PWWP4: variants seen among roughly 807,000 people sequenced by gnomAD.
PWWP4 encodes the protein putative PWWP domain-containing DNA repair factor 4.
At chrX:153,266,271 G>T in the PWWP4 span, among the ~76,000 whole-genome samples, 6 of 99,929 alleles carry the variant, frequency 6.0e-5, no homozygotes, top group Non-Finnish European at 9.9e-5. Context: ...GGGGCGGGGG[G>T]GAGGTGAGGG....
rs1218730053 is a variant in PWWP4, at chrX:153,276,629, G to T, written c.5012G>T (p.Gly1671Val). The stretch of plus-strand genomic sequence containing the variant: ...GGAAACATTCAGGACCCCGGAGAGG[G>T]TGCCTGGAAGCCAGGCTGGGCAGGT... The change falls in exon 1 of 1, where the codon GGT becomes GTT. Residue 1671 changes from glycine (G) to valine (V), a missense_variant. Transcript: ENST00000458091. 5.7e-4 allele frequency among the ~76,000 whole-genome samples: 31 copies of T among 54,459 alleles called. 1 individual carries two copies. In the South Asian group the frequency reaches 0.014, roughly 25 times the overall value. The allele number at this position is 54,459 out of a possible 115,157, so 47.3% of individuals were successfully genotyped here. A position where few individuals can be genotyped will look rare whatever the true frequency, so the allele number is the denominator to read the frequency against.
chrX:153,271,486 A>G (rs1287605980), upstream of PWWP4, among the ~76,000 whole-genome samples: 1 of 108,320 alleles, frequency 9.2e-6, no homozygotes, highest in East Asian at 3.6e-4. Flanking sequence ...GCCCACCCAC[A>G]CTGCACCCCC....
upstream of PWWP4, among the ~76,000 whole-genome samples, chrX:153,270,285 A>G (rs1448946179): frequency 2.9e-5 from 3 of 103,638 alleles, no homozygotes; most frequent in African/African-American, 1.1e-4. Flanking sequence ...TCTTAGGGGG[A>G]TGCTCTCGGG....
chrX:153,272,857 C>T (rs2051812874), exon 1 of PWWP4, among the ~76,000 whole-genome samples: 1 of 114,404 alleles, frequency 8.7e-6, no homozygotes, highest in South Asian at 3.4e-4. Context: ...GGCCATTGCC[C>T]CTACTCCAGG....
At chrX:153,273,323 G>C (rs1298281270) in exon 1 of PWWP4, among the ~76,000 whole-genome samples, 4 of 99,080 alleles carry the variant, frequency 4.0e-5, no homozygotes, top group Admixed American at 1.2e-4. Context: ...GAAAAGTCAC[G>C]GGCGCACACC....
At chrX:153,271,448 C>T (rs1322977098), upstream of PWWP4, among the ~76,000 whole-genome samples, 2 of 108,918 alleles carry the variant, frequency 1.8e-5, no homozygotes, top group African/African-American at 6.9e-5. Flanking sequence ...GTTCAAGTGC[C>T]TCAGGGAGAT....
upstream of PWWP4, among the ~76,000 whole-genome samples, chrX:153,266,822 G>A (rs1210758573): frequency 1.5e-5 from 1 of 67,725 alleles, no homozygotes; most frequent in South Asian, 8.4e-4. Context: ...GGGTAGGACT[G>A]GAAGGCCTCC....
chrX:153,266,463 G>T, the PWWP4 span, among the ~76,000 whole-genome samples: 1 of 99,261 alleles, frequency 1.0e-5, no homozygotes, highest in Non-Finnish European at 2.0e-5. Context: ...GTGCGTGTTT[G>T]TATGTGAGGA....
chrX:153,270,497 G>A (rs1198333202), upstream of PWWP4, among the ~76,000 whole-genome samples: 87 of 63,005 alleles, frequency 1.4e-3, 3 homozygotes, highest in African/African-American at 5.6e-3. Context: ...CACTTGATTG[G>A]CTTAATTTCC....
chrX:153,272,663 G>C (rs2124166454), exon 1 of PWWP4, among the ~76,000 whole-genome samples: 1 of 112,018 alleles, frequency 8.9e-6, no homozygotes, highest in Admixed American at 9.3e-5. Context: ...GCCCTGCGAG[G>C]TTACAAGTCA....
upstream of PWWP4, among the ~76,000 whole-genome samples, chrX:153,269,973 G>A (rs1450779909): frequency 1.9e-4 from 21 of 110,931 alleles, no homozygotes; most frequent in African/African-American, 5.9e-4. Flanking sequence ...GCACATTGGC[G>A]CATCGGCAAT....
At chrX:153,275,596 G>C (rs1324347957) in exon 1 of PWWP4, among the ~76,000 whole-genome samples, 1 of 101,665 alleles carries the variant, frequency 9.8e-6, no homozygotes, top group Non-Finnish European at 1.9e-5. Flanking sequence ...TGACCTGGGC[G>C]GTGGCAGCTC....
At chrX:153,272,799 T>C (rs2051812527) in exon 1 of PWWP4, among the ~76,000 whole-genome samples, 1 of 113,888 alleles carries the variant, frequency 8.8e-6, no homozygotes, top group Non-Finnish European at 1.9e-5. Flanking sequence ...GCAGCGCCAT[T>C]GCTTCTACTC....
chrX:153,271,472 C>T (rs1244644501), upstream of PWWP4, among the ~76,000 whole-genome samples: 1 of 108,589 alleles, frequency 9.2e-6, no homozygotes, highest in Non-Finnish European at 1.9e-5. Flanking sequence ...GGAGGAGGAA[C>T]ACAGCCCACC....
chrX:153,275,978 T>C (rs1428430112), exon 1 of PWWP4, among the ~76,000 whole-genome samples: 1 of 63,247 alleles, frequency 1.6e-5, no homozygotes, highest in African/African-American at 7.4e-5. Flanking sequence ...CTGCACCGTG[T>C]CGGCTCTCAG....
chrX:153,270,428 C>T (rs1372878598), upstream of PWWP4, among the ~76,000 whole-genome samples: 1 of 85,767 alleles, frequency 1.2e-5, no homozygotes, highest in Non-Finnish European at 2.2e-5. Flanking sequence ...GAGATGAAGA[C>T]GTCAGTTCTG....
At chrX:153,266,439 G>A in the PWWP4 span, among the ~76,000 whole-genome samples, 2 of 97,025 alleles carry the variant, frequency 2.1e-5, no homozygotes, top group African/African-American at 8.1e-5. Context: ...GTGTGTGGAT[G>A]CGTGTGCATG....
exon 1 of PWWP4, among the ~76,000 whole-genome samples, chrX:153,276,603 G>A (rs1167497987): frequency 1.8e-5 from 1 of 54,685 alleles, no homozygotes; most frequent in Admixed American, 1.7e-4. Flanking sequence ...CTCCCTTCTC[G>A]GGAAACATTC....
chrX:153,266,448 TG>T, the PWWP4 span, among the ~76,000 whole-genome samples: 2 of 97,163 alleles, frequency 2.1e-5, no homozygotes, highest in African/African-American at 8.0e-5. Flanking sequence ...TGCGTGTGCA[TG>T]TGTGTGCGTG....
Sources: allele counts gnomAD v4.1 joint callset (sites outside exome capture counted in the v4.1 genomes callset), GRCh38; gene constraint gnomAD v4.1.1; transcripts MANE v1.5; gene names NCBI Gene and HGNC (gene_info 2026-07-23, HGNC 2026-07-21).